ZNF106: variants seen among roughly 807,000 people sequenced by gnomAD.
ZNF106 encodes the protein SH3-domain binding protein 3.
Under a neutral mutation model 195.1 loss-of-function variants are expected in ZNF106, and 67 were observed. The ratio of observed to expected loss-of-function variants is 0.34; its 90% CI spans 0.28 to 0.42. The LOEUF (loss-of-function observed/expected upper bound fraction) is 0.42. ZNF106 is among the 10% of genes least tolerant of loss of function. The pLI is 1.00. For missense variants in ZNF106, 2,118 were observed against 2,304.5 expected, an observed-to-expected ratio of 0.92 and a Z score of 1.66; for synonymous variants, 784 against 818.6, an observed-to-expected ratio of 0.96 and a Z score of 0.72.
chr15:42,460,931 T>G (rs1030624429), intron 3 of ZNF106, among the ~76,000 whole-genome samples: 1 of 150,760 alleles, frequency 6.6e-6, no homozygotes, highest in African/African-American at 2.4e-5. Flanking sequence ...TTCTTATAAA[T>G]AAAATCCAGT....
chr15:42,446,015 C>G (rs1013093540), intron 7 of ZNF106, among the ~76,000 whole-genome samples: 5 of 152,246 alleles, frequency 3.3e-5, no homozygotes, highest in Admixed American at 6.5e-5. Flanking sequence ...TATACATGAC[C>G]AAGAGGGCCA....
chr15:42,485,466 T>C (rs1055598887), intron 1 of ZNF106, among the ~76,000 whole-genome samples: 1 of 152,204 alleles, frequency 6.6e-6, no homozygotes, highest in South Asian at 2.1e-4. Flanking sequence ...CTTCGTATGT[T>C]CTCCTTATTC....
intron 20 of ZNF106, 146 bp downstream of exon 20, chr15:42,420,915 G>A: frequency 2.9e-6 from 2 of 683,590 alleles, no homozygotes; most frequent in East Asian, 5.0e-5. Context: ...CCACCACCGA[G>A]GAGACAACCT....
rs758272943 is a variant in ZNF106, at chr15:42,451,683, A to G, written c.589T>C (p.Trp197Arg). The stretch of plus-strand genomic sequence containing the variant: ...CCAGAATTACTATGGTTGTGAAACC[A>G]AGTCGAGGAGCCTCCTGCAACACCC... ...HKGVAGGSST[W>R]FHNHSNSGGG... Residue 197 changes from tryptophan (W) to arginine (R), a missense_variant, in exon 5 of 22, where the codon TGG becomes CGG. Transcript: ENST00000564754. 1 of 1,614,240 alleles carries G rather than the reference A, an allele frequency of 6.2e-7. No individual in the cohort carries two copies. Among genetic ancestry groups the G allele is most frequent in the Non-Finnish European group, 8.5e-7 (1 of 1,180,046 alleles).
At chr15:42,436,809 T>C (rs2141306597) in intron 13 of ZNF106, among the ~76,000 whole-genome samples, 1 of 152,308 alleles carries the variant, frequency 6.6e-6, no homozygotes, top group East Asian at 1.9e-4. Context: ...ATTATGTAGC[T>C]GCTATGCAAG....
chr15:42,454,777 T>A (rs1005678119), intron 4 of ZNF106, among the ~76,000 whole-genome samples: 5 of 151,736 alleles, frequency 3.3e-5, no homozygotes, highest in Non-Finnish European at 5.9e-5. Context: ...TGCATGCCTG[T>A]AGTTCCAGCT....
intron 17 of ZNF106, among the ~76,000 whole-genome samples, chr15:42,423,462 G>C (rs7169432): frequency 0.015 from 2,262 of 151,932 alleles, 59 homozygotes; most frequent in African/African-American, 0.052. Flanking sequence ...CTGCAGCCTT[G>C]AACTCCTGGG....
At chr15:42,457,294 C>T (rs1292464830) in intron 3 of ZNF106, 136 bp from the exon 4 acceptor site, 52 of 1,524,564 alleles carry the variant, frequency 3.4e-5, no homozygotes, top group Non-Finnish European at 4.5e-5. Context: ...AATTTCAATG[C>T]TCCTTTCATC....
chr15:42,430,075 TC>T (rs2054997965), intron 14 of ZNF106, among the ~76,000 whole-genome samples: 1 of 152,074 alleles, frequency 6.6e-6, no homozygotes, highest in African/African-American at 2.4e-5. Context: ...GCAGAAAAAT[TC>T]ATCAAGCTGT....
At chr15:42,458,121 A>T (rs2056290792) in intron 3 of ZNF106, among the ~76,000 whole-genome samples, 1 of 152,092 alleles carries the variant, frequency 6.6e-6, no homozygotes, top group Non-Finnish European at 1.5e-5. Flanking sequence ...TCCATTCAAC[A>T]ATCCAAATTG....
chr15:42,466,228 G>GT (rs2056513950), intron 2 of ZNF106, 114 bp from the exon 3 acceptor site: 3 of 641,856 alleles, frequency 4.7e-6, no homozygotes, highest in East Asian at 6.3e-5. Context: ...GTCAAAATGT[G>GT]TTTTTGGTTA....
chr15:42,479,636 G>A (rs1181348385), intron 1 of ZNF106, among the ~76,000 whole-genome samples: 4 of 152,036 alleles, frequency 2.6e-5, no homozygotes, highest in African/African-American at 9.7e-5. Context: ...GAGGTCAGGA[G>A]TTTGAGACCA....
Position 42,431,881 on chromosome 15 carries a change from T to C in ZNF106, c.4881+3503A>G, listed in dbSNP as rs994597623. Among the ~76,000 whole-genome samples, 43 of 152,176 alleles carry C rather than the reference T, an allele frequency of 2.8e-4. 1 individual carries two copies. The highest frequency in any genetic ancestry group is 2.8e-3 in the Admixed American group (43 of 15,284). ...CACCCGCCTCAGCCTCCCAAAGTGC[T>C]GGGATTACAGGCATGAGCCACCACA... On this transcript the variant is annotated intron_variant, in intron 14 of 21. Coordinates refer to ENST00000564754, the MANE Select transcript of ZNF106 (RefSeq NM_001366845.3).
At chr15:42,461,244 G>C (rs1157207109) in intron 3 of ZNF106, among the ~76,000 whole-genome samples, 3 of 152,222 alleles carry the variant, frequency 2.0e-5, no homozygotes, top group African/African-American at 7.2e-5. Context: ...ATATTTTAAT[G>C]AGGTTACTTG....
At chr15:42,480,626 C>G (rs1012540603) in intron 1 of ZNF106, among the ~76,000 whole-genome samples, 2 of 152,022 alleles carry the variant, frequency 1.3e-5, no homozygotes, top group Admixed American at 1.3e-4. Flanking sequence ...ATTATATTTT[C>G]CCCCCAGTGG....
chr15:42,433,175 G>A (rs1188581878), intron 14 of ZNF106, among the ~76,000 whole-genome samples: 7 of 151,676 alleles, frequency 4.6e-5, no homozygotes, highest in East Asian at 1.9e-4. Context: ...GCGCAATCTC[G>A]GCTCACTGCA....
At chr15:42,469,306 T>C (rs138910361) in intron 2 of ZNF106, among the ~76,000 whole-genome samples, 1 of 152,346 alleles carries the variant, frequency 6.6e-6, no homozygotes, top group African/African-American at 2.4e-5. Flanking sequence ...GTGAGTTCTG[T>C]TCCTTACAAC....
Position 42,486,992 on chromosome 15 carries a change from T to C in ZNF106, c.-33+3988A>G, listed in dbSNP as rs2057031004. Among the ~76,000 whole-genome samples, 4 of 151,214 alleles carry C rather than the reference T, an allele frequency of 2.6e-5. No individual in the cohort carries two copies. The South Asian group carries it at 8.4e-4, about 32-fold the overall frequency. On this transcript the variant is annotated intron_variant, in intron 1 of 21. Transcript: ENST00000564754. ...AGTGAAACCCCATCTCTACTAAAAA[T>C]ACAAAAAATTAGCCAGGCATGGTGG...
chr15:42,452,098 G>T, intron 4 of ZNF106, 144 bp from the exon 5 acceptor site: 1 of 761,346 alleles, frequency 1.3e-6, no homozygotes. Context: ...AATAGTGGTT[G>T]TTTTCATATC....
Sources: allele counts gnomAD v4.1 joint callset (sites outside exome capture counted in the v4.1 genomes callset), GRCh38; gene constraint gnomAD v4.1.1; transcripts MANE v1.5; gene names NCBI Gene and HGNC (gene_info 2026-07-23, HGNC 2026-07-21).